The following PCNT variants were observed in gnomAD, a reference collection of about 807,000 sequenced individuals.
PCNT encodes the protein pericentrin.
In PCNT, 319 loss-of-function variants were observed where a neutral mutation model predicts 380.4. The ratio of observed to expected loss-of-function variants is 0.84; its 90% confidence interval spans 0.77 to 0.92. The LOEUF (loss-of-function observed/expected upper bound fraction) is 0.92. PCNT is among the 40% of genes least tolerant of loss of function. PCNT has a pLI of 0.00. For synonymous variants in PCNT, 1,845 were observed against 1,735.2 expected, an observed-to-expected ratio of 1.06 and a Z score of -1.57; for missense variants, 4,400 against 4,255.3, an observed-to-expected ratio of 1.03 and a Z score of -0.95.
intron 44 of PCNT, among the ~76,000 whole-genome samples, chr21:46,443,556 C>G (rs999542701): frequency 1.3e-5 from 2 of 152,194 alleles, no homozygotes; most frequent in Admixed American, 6.5e-5. Flanking sequence ...GCAGGACCCC[C>G]ACCCAGGTCT....
Position 46,363,557 on chromosome 21 carries a change from A to G in PCNT, c.2232A>G (p.Glu744=), listed in dbSNP as rs1048261188. 6.2e-7 allele frequency: 1 copy of G among 1,613,950 alleles called. No homozygotes were observed. The highest frequency in any genetic ancestry group is 1.3e-5 in the African/African-American group (1 of 74,900). Residue 744 remains glutamate, a synonymous_variant, in exon 14 of 47, where the codon GAA becomes GAG. Transcript: ENST00000359568. The part of the protein sequence containing the change: ...AKQKTELMKQ[E]FQRKETDWKV... ...AAAAGACTGAGCTGATGAAACAGGA[A>G]TTCCAAAGAAAAGAAACGGACTGGA...
At chr21:46,444,905 A>G in intron 46 of PCNT, 84 bp downstream of exon 46, 3 of 1,318,786 alleles carry the variant, frequency 2.3e-6, no homozygotes, top group East Asian at 4.6e-5. Flanking sequence ...GATGGCTGGT[A>G]TTCAGCTTAG....
At chr21:46,429,405 G>A (rs1309395827) in intron 35 of PCNT, among the ~76,000 whole-genome samples, 1 of 142,898 alleles carries the variant, frequency 7.0e-6, no homozygotes, top group African/African-American at 2.6e-5. Context: ...CGCTCGTGAG[G>A]GGCATGGGGG....
intron 13 of PCNT, among the ~76,000 whole-genome samples, chr21:46,359,814 A>G (rs188014900): frequency 5.4e-5 from 8 of 147,408 alleles, no homozygotes; most frequent in Middle Eastern, 3.6e-3. Context: ...AGTCATTCCA[A>G]CCTTCGTGTG....
In PCNT at chr21:46,334,774, C is replaced by G; in HGVS notation, c.639+6C>G. On this transcript the variant is annotated splice_donor_region_variant and intron_variant, in intron 3 of 46. Coordinates refer to ENST00000359568, the MANE Select transcript of PCNT (RefSeq NM_006031.6). ...AGCGTGGGATGTTCACAAAGGTATT[C>G]TTTAAGTTCTCTGTTAAGGTGTATT... 1.2e-6 allele frequency: 2 copies of G among 1,614,052 alleles called. No homozygotes were observed.
chr21:46,411,413 C>G lies in PCNT; in HGVS notation c.5340C>G (p.Ala1780=), dbSNP rs367986616. ...AGAGCGAGCTGCTCTGCTCCCAGGC[C>G]GGGGGCCCTCGTGGGCAGGCCCTAC... ...SLQSELLCSQ[A]GGPRGQALQG... Residue 1780 remains alanine (A), a synonymous_variant, in exon 28 of 47, where the codon GCC becomes GCG. Transcript: ENST00000359568. 7.4e-6 allele frequency: 12 copies of G among 1,613,194 alleles called. No individual in the cohort carries two copies. The highest frequency in any genetic ancestry group is 5.5e-5 in the South Asian group (5 of 91,074).
Position 46,346,214 on chromosome 21 carries a change from C to A in PCNT, c.720+6C>A. 1 of 1,612,960 alleles carries A rather than the reference C, an allele frequency of 6.2e-7. No individual in the cohort carries two copies. Among genetic ancestry groups the A allele is most frequent in the Non-Finnish European group, 8.5e-7 (1 of 1,179,170 alleles). On this transcript the variant is annotated splice_donor_region_variant and intron_variant, in intron 4 of 46. Coordinates refer to ENST00000359568, the MANE Select transcript of PCNT (RefSeq NM_006031.6). ...CTGGCCTGCATCAGAGTCAGGTGAC[C>A]CGGCGGGGCCTGCACAGGCTCACAG...
intron 15 of PCNT, among the ~76,000 whole-genome samples, chr21:46,368,944 A>G (rs1377803487): frequency 2.0e-5 from 3 of 152,206 alleles, no homozygotes; most frequent in African/African-American, 4.8e-5. Context: ...GACTGTGGGG[A>G]ACAGTTGTGA....
chr21:46,348,780 A>G (rs1053828162), intron 6 of PCNT, among the ~76,000 whole-genome samples: 1 of 151,110 alleles, frequency 6.6e-6, no homozygotes, highest in African/African-American at 2.4e-5. Context: ...ACATCCCACT[A>G]ATTTTTGTAT....
intron 2 of PCNT, among the ~76,000 whole-genome samples, chr21:46,331,191 C>T (rs951322024): frequency 2.6e-5 from 4 of 152,090 alleles, no homozygotes; most frequent in Non-Finnish European, 4.4e-5. Context: ...CAGGTCCTCC[C>T]TCTGGCGCCC....
Position 46,350,707 on chromosome 21 carries a change from C to T in PCNT, c.1345-722C>T, listed in dbSNP as rs540877790. Reference sequence around the variant, plus strand: ...CAGCGGGACTCTGGTGCCCACACACCCTCCTCTCCTGCAGAGAGTCCAGGC... The same window carrying T: ...CAGCGGGACTCTGGTGCCCACACACTCTCCTCTCCTGCAGAGAGTCCAGGC... On this transcript the variant is annotated intron_variant, in intron 8 of 46. Transcript: ENST00000359568. 2.6e-4 allele frequency among the ~76,000 whole-genome samples: 39 copies of T among 152,266 alleles called. No homozygotes were observed. In the South Asian group the frequency reaches 7.5e-3, roughly 29 times the overall value.
In PCNT at chr21:46,441,454, C is replaced by T. The variant is rs1156677865; in HGVS notation, c.9623+370C>T. ...CAGAGGTGTTTCCCAAGGCCACGCG[C>T]GGGCCTGTCTGGAGTAGCAGATGCA... On this transcript the variant is annotated intron_variant, in intron 43 of 46. Coordinates refer to ENST00000359568, the MANE Select transcript of PCNT (RefSeq NM_006031.6). 3.3e-5 allele frequency among the ~76,000 whole-genome samples: 5 copies of T among 152,214 alleles called. No individual in the cohort carries two copies. In the East Asian group the frequency reaches 7.7e-4, roughly 23 times the overall value.
At chr21:46,379,577 C>T (rs118120664) in intron 15 of PCNT, among the ~76,000 whole-genome samples, 5,717 of 152,282 alleles carry the variant, frequency 0.038, 151 homozygotes, top group Middle Eastern at 0.082. Context: ...TTCTCTCCCT[C>T]TGTCTGGCTT....
At chr21:46,427,006 G>A (rs1180255404) in intron 33 of PCNT, among the ~76,000 whole-genome samples, 1 of 152,136 alleles carries the variant, frequency 6.6e-6, no homozygotes, top group Non-Finnish European at 1.5e-5. Context: ...GTGTGCGAGC[G>A]GCAGCCTGGC....
At chr21:46,392,896 T>A (rs1389401821) in intron 21 of PCNT, among the ~76,000 whole-genome samples, 2 of 152,272 alleles carry the variant, frequency 1.3e-5, no homozygotes, top group Non-Finnish European at 2.9e-5. Context: ...CCTTTTATTT[T>A]AAGTCTTTTT....
At chr21:46,352,002 A>G (rs1212689601) in intron 9 of PCNT, among the ~76,000 whole-genome samples, 2 of 152,210 alleles carry the variant, frequency 1.3e-5, no homozygotes, top group African/African-American at 2.4e-5. Context: ...GTCCCCTTAT[A>G]GCTGAGCACC....
chr21:46,371,987 G>C (rs2085152347), intron 15 of PCNT, among the ~76,000 whole-genome samples: 1 of 144,422 alleles, frequency 6.9e-6, no homozygotes, highest in South Asian at 2.3e-4. Flanking sequence ...CACACATGCA[G>C]CACATGCACA....
chr21:46,436,459 A>G (rs1176815047), intron 39 of PCNT, among the ~76,000 whole-genome samples: 17 of 47,692 alleles, frequency 3.6e-4, no homozygotes, highest in South Asian at 1.1e-3. Context: ...TCGGGTTTGG[A>G]GCCTCCTGTG....
intron 26 of PCNT, 60 bp downstream of exon 26, chr21:46,401,781 C>G: frequency 6.6e-7 from 1 of 1,519,044 alleles, no homozygotes; most frequent in Non-Finnish European, 9.1e-7. Flanking sequence ...GTGGGCTTCT[C>G]TGTGGCAGAT....
Sources: allele counts gnomAD v4.1 joint callset (sites outside exome capture counted in the v4.1 genomes callset), GRCh38; gene constraint gnomAD v4.1.1; transcripts MANE v1.5; gene names NCBI Gene and HGNC (gene_info 2026-07-23, HGNC 2026-07-21).